The following TASP1 variants were observed in gnomAD, a reference collection of about 807,000 sequenced individuals.
The protein encoded by TASP1 is taspase 1, also known as threonine aspartase 1.
In TASP1, 16 loss-of-function variants were observed where a neutral mutation model predicts 56.6. The observed-to-expected ratio is 0.28, with a 90% CI of 0.19 to 0.43. TASP1 has a LOEUF of 0.43. Among genes scored for constraint, TASP1 ranks in the 20% least tolerant of loss-of-function variants. TASP1 has a pLI of 1.00. For missense variants in TASP1, 393 were observed against 511.6 expected (o/e 0.77, Z 2.24); for synonymous variants, 179 against 184.2 (o/e 0.97, Z 0.23).
At chr20:13,387,071 G>T (rs188662758), downstream of TASP1, among the ~76,000 whole-genome samples, 2 of 151,666 alleles carry the variant, frequency 1.3e-5, no homozygotes, top group African/African-American at 4.8e-5. Context: ...CTTTGTGTCC[G>T]TGTGAACTCA....
At chr20:13,120,125 C>T in the TASP1 span, among the ~76,000 whole-genome samples, 8 of 152,240 alleles carry the variant, frequency 5.3e-5, no homozygotes, top group African/African-American at 1.9e-4. Flanking sequence ...TAGGATTCGG[C>T]AAATACTAAA....
chr20:13,128,166 G>A, the TASP1 span, among the ~76,000 whole-genome samples: 5 of 152,340 alleles, frequency 3.3e-5, no homozygotes, highest in East Asian at 3.9e-4. Context: ...AGTAAGCATT[G>A]TATAATTGCT....
the TASP1 span, chr20:13,299,528 G>A: frequency 2.8e-6 from 4 of 1,406,964 alleles, no homozygotes; most frequent in African/African-American, 2.9e-5. The surrounding 1 kb of genome is among the most constrained non-coding windows in gnomAD (Gnocchi z 5.8). Context: ...CTGACGTGCC[G>A]ACTGGCGCCG....
the TASP1 span, among the ~76,000 whole-genome samples, chr20:13,135,420 G>A: frequency 2.0e-4 from 30 of 152,102 alleles, no homozygotes; most frequent in Non-Finnish European, 4.0e-4. Context: ...CAATTTTGAT[G>A]ACATGGTGTT....
chr20:13,439,527 G>A (rs1193642243), intron 11 of TASP1, among the ~76,000 whole-genome samples: 3 of 152,058 alleles, frequency 2.0e-5, no homozygotes, highest in South Asian at 4.2e-4. Context: ...GAGTGGGGAG[G>A]GATAGCATTT....
At chr20:13,220,252 G>A in the TASP1 span, among the ~76,000 whole-genome samples, 135 of 152,220 alleles carry the variant, frequency 8.9e-4, no homozygotes, top group African/African-American at 3.0e-3. Flanking sequence ...CGGTAAGGCG[G>A]GAGCCCGAGC....
the TASP1 span, among the ~76,000 whole-genome samples, chr20:13,268,479 C>T: frequency 6.6e-6 from 1 of 151,814 alleles, no homozygotes; most frequent in Non-Finnish European, 1.5e-5. Context: ...GGGCAACTCC[C>T]TCTACCAGGA....
At chr20:13,153,591 A>G in the TASP1 span, among the ~76,000 whole-genome samples, 2 of 152,200 alleles carry the variant, frequency 1.3e-5, no homozygotes, top group African/African-American at 4.8e-5. Flanking sequence ...AGCTTAGCTA[A>G]AAAGCATCTA....
chr20:13,392,720 C>T (rs1380318192), intron 13 of TASP1: 6 of 569,064 alleles, frequency 1.1e-5, no homozygotes, highest in East Asian at 4.4e-5. Flanking sequence ...CAGTATCGGG[C>T]GCTGGTCACC....
At chr20:13,315,337 G>A in the TASP1 span, among the ~76,000 whole-genome samples, 1 of 151,970 alleles carries the variant, frequency 6.6e-6, no homozygotes, top group African/African-American at 2.4e-5. Context: ...AGAAAGGTAA[G>A]TGTTTGCAGA....
intron 11 of TASP1, among the ~76,000 whole-genome samples, chr20:13,459,534 A>T (rs560282624): frequency 6.6e-6 from 1 of 152,304 alleles, no homozygotes; most frequent in East Asian, 1.9e-4. Flanking sequence ...GAAGATAATT[A>T]CACTACCATG....
the TASP1 span, among the ~76,000 whole-genome samples, chr20:13,209,433 T>C: frequency 6.6e-6 from 1 of 152,242 alleles, no homozygotes; most frequent in Non-Finnish European, 1.5e-5. Context: ...TTATTGATTA[T>C]ATCATAATTG....
chr20:13,104,879 A>G, the TASP1 span, among the ~76,000 whole-genome samples: 16 of 152,216 alleles, frequency 1.1e-4, no homozygotes, highest in Non-Finnish European at 2.2e-4. Context: ...AACTTTTTTT[A>G]ACAAAACTTC....
At chr20:13,359,791 C>T in the TASP1 span, among the ~76,000 whole-genome samples, 262 of 151,300 alleles carry the variant, frequency 1.7e-3, no homozygotes, top group Non-Finnish European at 2.4e-3. Context: ...ATCTCATTGC[C>T]GCCCTTCTTC....
chr20:13,496,257 G>A (rs1320203335), intron 10 of TASP1, among the ~76,000 whole-genome samples: 1 of 152,092 alleles, frequency 6.6e-6, no homozygotes, highest in Non-Finnish European at 1.5e-5. Context: ...GTTTTGCCAT[G>A]TTGGCCAGGC....
At chr20:13,307,470 T>C in the TASP1 span, among the ~76,000 whole-genome samples, 5 of 152,116 alleles carry the variant, frequency 3.3e-5, no homozygotes, top group African/African-American at 1.2e-4. Context: ...TATTGTGTGG[T>C]TTGATTGTCA....
the TASP1 span, among the ~76,000 whole-genome samples, chr20:13,289,046 A>T: frequency 2.0e-5 from 3 of 152,262 alleles, no homozygotes; most frequent in African/African-American, 7.2e-5. Context: ...TCAGCCTCCC[A>T]AGGTGCTGGG....
chr20:13,226,340 T>C, the TASP1 span, among the ~76,000 whole-genome samples: 1 of 152,166 alleles, frequency 6.6e-6, no homozygotes, highest in South Asian at 2.1e-4. Flanking sequence ...TACAAGAAAG[T>C]CAATAGCCAT....
the TASP1 span, among the ~76,000 whole-genome samples, chr20:13,212,813 C>G: frequency 1.3e-5 from 2 of 152,312 alleles, no homozygotes; most frequent in African/African-American, 4.8e-5. Flanking sequence ...TATTCCTCTA[C>G]AAAGCTATTT....
Sources: allele counts gnomAD v4.1 joint callset (sites outside exome capture counted in the v4.1 genomes callset), GRCh38; gene constraint gnomAD v4.1.1; non-coding constraint Gnocchi (gnomAD v3.1); transcripts MANE v1.5; gene names NCBI Gene and HGNC (gene_info 2026-07-23, HGNC 2026-07-21).